The following CSF1R variants were observed in gnomAD, a reference collection of about 807,000 sequenced individuals.
CSF1R encodes the protein macrophage colony-stimulating factor 1 receptor.
In CSF1R, 40 loss-of-function variants were observed where a neutral mutation model predicts 110.0. The ratio of observed to expected loss-of-function variants is 0.36; its 90% CI spans 0.28 to 0.47. The LOEUF is 0.47. CSF1R is among the 20% of genes least tolerant of loss of function. CSF1R has a pLI of 0.99. For synonymous variants in CSF1R, 523 were observed against 503.4 expected (o/e 1.04, Z -0.52); for missense variants, 1,052 against 1,253.0 (o/e 0.84, Z 2.42).
intron 1 of CSF1R, among the ~76,000 whole-genome samples, chr5:150,082,994 C>G (rs1015890634): frequency 6.6e-6 from 1 of 152,164 alleles, no homozygotes; most frequent in African/African-American, 2.4e-5. Context: ...CTAGACCCTG[C>G]CTTGGCCTCC....
At chr5:150,101,843 G>A (rs1759414600) in intron 1 of CSF1R, among the ~76,000 whole-genome samples, 1 of 151,906 alleles carries the variant, frequency 6.6e-6, no homozygotes, top group African/African-American at 2.4e-5. Flanking sequence ...GCACAGACGA[G>A]CTCATCCATC....
intron 2 of CSF1R, 92 bp from the exon 3 acceptor site, chr5:150,080,428 C>A: frequency 6.7e-7 from 1 of 1,482,670 alleles, no homozygotes; most frequent in Non-Finnish European, 9.1e-7. Context: ...CTCAGAGAGG[C>A]TGATCATTCA....
In CSF1R at chr5:150,061,344, A is replaced by G. The variant is rs536468600; in HGVS notation, c.1858+147T>C. ...GAGTCAGAGGGTGCCTGGAGCTCAC[A>G]AGAAAACCCAAGTCCTCACCCCTGA... On this transcript the variant is annotated intron_variant, in intron 12 of 20. Transcript: ENST00000675795. The G allele has an allele frequency of 1.6e-5, 11 of 702,748 alleles. No individual in the cohort carries two copies. The South Asian group carries it at 2.0e-4, about 13-fold the overall frequency. 43.5% of individuals were successfully genotyped at this position (702,748 alleles called of 1,614,324 possible). A position where few individuals can be genotyped will look rare whatever the true frequency, so the allele number is the denominator to read the frequency against.
intron 1 of CSF1R, among the ~76,000 whole-genome samples, chr5:150,085,503 C>G (rs1013274965): frequency 2.0e-5 from 3 of 152,066 alleles, no homozygotes; most frequent in Non-Finnish European, 4.4e-5. Flanking sequence ...GTTGGGCCAA[C>G]AAGCCAAGCA....
At position 150,073,300 on chromosome 5, in the gene CSF1R, C is replaced by T. The variant is rs1371847178; in HGVS notation, c.1082+1G>A. On this transcript the variant is annotated splice_donor_variant, in intron 6 of 20. Transcript: ENST00000675795. LOFTEE classifies it high-confidence loss of function. ...TGTAGACGGGAGCTGATAAGTGGTA[C>T]CTGTATGTGTCCTTGGTGGTAGCAT... 1.9e-6 allele frequency: 3 copies of T among 1,611,912 alleles called. No homozygotes were observed. The highest frequency in any genetic ancestry group is 2.5e-6 in the Non-Finnish European group (3 of 1,178,746).
At chr5:150,099,513 G>T (rs1759333121) in intron 1 of CSF1R, among the ~76,000 whole-genome samples, 2 of 152,236 alleles carry the variant, frequency 1.3e-5, no homozygotes, top group South Asian at 4.1e-4. Flanking sequence ...TAAATAAACT[G>T]TGGTATATCC....
At chr5:150,100,885 C>T (rs1018232429) in intron 1 of CSF1R, among the ~76,000 whole-genome samples, 47 of 151,942 alleles carry the variant, frequency 3.1e-4, no homozygotes, top group African/African-American at 1.1e-3. Flanking sequence ...ACCAAATAAA[C>T]AAGTGAAATA....
At chr5:150,077,975 GCA>G in intron 4 of CSF1R, 135 bp downstream of exon 4, 1 of 1,078,340 alleles carries the variant, frequency 9.3e-7, no homozygotes, top group South Asian at 1.5e-5. Context: ...GGGTGAGTCT[GCA>G]CCCCTCTCTG....
rs182193643 is a variant in CSF1R at position 150,053,733 on chromosome 5, G to T, written c.*336C>A. 2.4e-6 allele frequency: 1 copy of T among 423,560 alleles called. No individual in the cohort carries two copies. The highest frequency in any genetic ancestry group is 2.0e-5 in the African/African-American group (1 of 50,474). The allele number at this position is 423,560 out of a possible 1,614,324, so 26.2% of individuals were successfully genotyped here. A position where few individuals can be genotyped will look rare whatever the true frequency, so the allele number is the denominator to read the frequency against. On this transcript the variant is annotated 3_prime_UTR_variant, in exon 21 of 21. Coordinates refer to ENST00000675795, the MANE Select transcript of CSF1R (RefSeq NM_001288705.3). ...AGTGTAGCTCCTGGGGACTTCATAG[G>T]CATAAAGTCAGTCCATTTCCATGAA...
At chr5:150,105,232 C>T (rs1231299388) in intron 1 of CSF1R, among the ~76,000 whole-genome samples, 1 of 147,516 alleles carries the variant, frequency 6.8e-6, no homozygotes, top group African/African-American at 2.5e-5. Flanking sequence ...GCTGTAGTCC[C>T]AGCTGCTCAG....
At chr5:150,095,591 A>G (rs1014089960) in intron 1 of CSF1R, among the ~76,000 whole-genome samples, 2 of 152,148 alleles carry the variant, frequency 1.3e-5, no homozygotes, top group African/African-American at 2.4e-5. Context: ...CAATGGTCTA[A>G]GGCTACCACC....
At chr5:150,058,074 A>G (rs973172804) in intron 14 of CSF1R, 1 of 378,352 alleles carries the variant, frequency 2.6e-6, no homozygotes, top group Non-Finnish European at 5.2e-6. Context: ...CAAAACAGTC[A>G]TTCACAGATT....
intron 1 of CSF1R, among the ~76,000 whole-genome samples, chr5:150,084,394 G>GAAAAGAAA (rs1561945918): frequency 4.4e-5 from 1 of 22,976 alleles, no homozygotes; most frequent in African/African-American, 2.5e-4. Flanking sequence ...AAAGAAAGAA[G>GAAAAGAAA]GAAGGAAGGA....
At position 150,086,328 on chromosome 5, in the gene CSF1R, T is replaced by C. The variant is rs41477948; in HGVS notation, c.49+51A>G. The C allele has an allele frequency of 0.012, 18,056 of 1,546,698 alleles. 1,387 individuals carry two copies. In the African/African-American group the frequency reaches 0.19, roughly 16 times the overall value. ...CAAGGACTGAATCCTTTCACAGGGG[T>C]CTTCTCCATCACACCCCAACAAAGT... is the stretch of plus-strand genomic sequence containing the variant. On this transcript the variant is annotated intron_variant, in intron 1 of 20. Coordinates refer to ENST00000675795, the MANE Select transcript of CSF1R (RefSeq NM_001288705.3).
At position 150,073,432 on chromosome 5, in the gene CSF1R, C is replaced by G. The variant is rs899143318; in HGVS notation, c.951G>C (p.Glu317Asp). 1 of 1,614,124 alleles carries G rather than the reference C, an allele frequency of 6.2e-7. No individual in the cohort carries two copies. Among genetic ancestry groups the G allele is most frequent in the East Asian group, 2.2e-5 (1 of 44,882 alleles). The change falls in exon 6 of 21, where the codon GAG becomes GAC. Residue 317 changes from glutamate to aspartate, a missense_variant. Transcript: ENST00000675795. ...CCACCATGACTTTGAGGTTGAGCCC[C>G]TCCCCCACGGTCACCTCCTGGATGA... ...QNLIQEVTVGEGLNLKVMVEA... is the reference protein window; with the variant it reads ...QNLIQEVTVGDGLNLKVMVEA...
chr5:150,059,984 C>T lies in CSF1R; in HGVS notation c.1970-122G>A, dbSNP rs913610765. ...ACTCAGCATAGCTGAGTTCTAACCTCGGCTCTGTGAGCAAGTTTCCTTGTG... is the reference window on the plus strand; with the variant it reads ...ACTCAGCATAGCTGAGTTCTAACCTTGGCTCTGTGAGCAAGTTTCCTTGTG... On this transcript the variant is annotated intron_variant, in intron 13 of 20. Transcript: ENST00000675795. The T allele has an allele frequency of 2.0e-5, 23 of 1,144,940 alleles. 1 individual carries two copies. Among genetic ancestry groups the T allele is most frequent in the African/African-American group, 1.4e-4 (9 of 64,650 alleles). 70.9% of individuals were successfully genotyped at this position (1,144,940 alleles called of 1,614,324 possible).
At chr5:150,093,340 A>C (rs1254173833) in intron 1 of CSF1R, among the ~76,000 whole-genome samples, 2 of 152,108 alleles carry the variant, frequency 1.3e-5, no homozygotes, top group East Asian at 1.9e-4. Context: ...CGGCCTCCCA[A>C]AGTGCTGGGA....
chr5:150,073,484 T>A lies in CSF1R; in HGVS notation c.899A>T (p.Tyr300Phe). Residue 300 changes from tyrosine (Y) to phenylalanine (F), a missense_variant, in exon 6 of 21, where the codon TAC becomes TTC. By Grantham distance (22) the Tyr-to-Phe change is conservative. Transcript: ENST00000675795. The stretch of plus-strand genomic sequence containing the variant: ...GTTCTGCTCAGAGCTCAAGTTCAAG[T>A]AGGCACTCTCTGGAAAGCAGAACAC... ...SMFFRVVESA[Y>F]LNLSSEQNLI... 6.2e-7 allele frequency: 1 copy of A among 1,613,156 alleles called. No homozygotes were observed. The highest frequency in any genetic ancestry group is 8.5e-7 in the Non-Finnish European group (1 of 1,179,344).
chr5:150,073,459 G>C lies in CSF1R; in HGVS notation c.924C>G (p.Asn308Lys), dbSNP rs747597752. 113 of 1,613,936 alleles carry C rather than the reference G, an allele frequency of 7.0e-5. No homozygotes were observed. Among genetic ancestry groups the C allele is most frequent in the Admixed American group, 1.8e-4 (11 of 59,996 alleles). ...CCCCCACGGTCACCTCCTGGATGAG[G>C]TTCTGCTCAGAGCTCAAGTTCAAGT... Reference protein sequence around the residue: ...SAYLNLSSEQNLIQEVTVGEG... With the variant: ...SAYLNLSSEQKLIQEVTVGEG... Residue 308 changes from asparagine (N) to lysine (K), a missense_variant, in exon 6 of 21, where the codon AAC becomes AAG. Physicochemically the swap from Asn to Lys is moderately conservative, Grantham distance 94. Around this residue, in one of 5 missense-constraint regions of CSF1R, gnomAD observed 693 missense variants for 735.4 expected, o/e 0.94. Coordinates refer to ENST00000675795, the MANE Select transcript of CSF1R (RefSeq NM_001288705.3).
Sources: gnomAD v4.1 joint callset for allele counts (sites outside exome capture counted in the v4.1 genomes callset) on GRCh38, gnomAD v4.1.1 for gene constraint, gnomAD v4.1.1 regional missense constraint, MANE v1.5 for transcripts, NCBI Gene and HGNC (gene_info 2026-07-23, HGNC 2026-07-21) for gene names.